Variants in ATG7 observed in about 807,000 individuals in gnomAD.
ATG7 encodes autophagy related 7, also known as ubiquitin-like modifier-activating enzyme ATG7.
A neutral mutation model predicts 82.4 loss-of-function variants in ATG7; 70 were observed. The observed-to-expected ratio is 0.85, with a 90% CI of 0.70 to 1.04. The LOEUF is 1.04. Among genes scored for constraint, ATG7 ranks in the 50% least tolerant of loss-of-function variants. The pLI is 0.00. For missense variants in ATG7, 792 were observed against 864.3 expected (o/e 0.92, Z 1.05); for synonymous variants, 287 against 313.0 (o/e 0.92, Z 0.88).
rs1394283753 is a variant in ATG7, at chr3:11,556,184, A to G, written c.*1341A>G. 6.6e-6 allele frequency: 1 copy of G among 152,572 alleles called. No individual in the cohort carries two copies. Among genetic ancestry groups the G allele is most frequent in the East Asian group, 1.9e-4 (1 of 5,326 alleles). The allele number at this position is 152,572 out of a possible 1,614,324, so 9.5% of individuals were successfully genotyped here. A position where few individuals can be genotyped will look rare whatever the true frequency, so the allele number is the denominator to read the frequency against. ...AAAAACAGGCCACAGAGAATGGTAT[A>G]TTACAGATTTACACACATGAAGAGA... On this transcript the variant is annotated 3_prime_UTR_variant, in exon 21 of 21. Transcript: ENST00000693202.
intron 13 of ATG7, among the ~76,000 whole-genome samples, chr3:11,345,878 A>G (rs1475693310): frequency 2.0e-5 from 3 of 152,246 alleles, no homozygotes; most frequent in African/African-American, 7.2e-5. Flanking sequence ...AAGTCAACAT[A>G]AAGCCATTAT....
chr3:11,511,190 A>G (rs1437855542), intron 20 of ATG7, among the ~76,000 whole-genome samples: 2 of 152,146 alleles, frequency 1.3e-5, no homozygotes, highest in Non-Finnish European at 2.9e-5. Context: ...CGGGTTGCCA[A>G]TGCTGGCTCA....
chr3:11,536,072 G>A (rs890902802), intron 20 of ATG7, among the ~76,000 whole-genome samples: 1 of 152,198 alleles, frequency 6.6e-6, no homozygotes, highest in East Asian at 1.9e-4. Context: ...TAACTGGCTA[G>A]TTGGGGCAAG....
chr3:11,478,722 C>CA (rs1373022849), intron 20 of ATG7, among the ~76,000 whole-genome samples: 1 of 152,082 alleles, frequency 6.6e-6, no homozygotes, highest in Non-Finnish European at 1.5e-5. Flanking sequence ...AAAACACCCC[C>CA]ACCCCCAAAC....
At chr3:11,570,078 C>T in the ATG7 span, among the ~76,000 whole-genome samples, 2 of 152,094 alleles carry the variant, frequency 1.3e-5, no homozygotes, top group Non-Finnish European at 2.9e-5. Context: ...TACCTGCTGC[C>T]CCCTGGGGTT....
chr3:11,559,891 A>C (rs1440126666), downstream of ATG7, among the ~76,000 whole-genome samples: 2 of 148,096 alleles, frequency 1.4e-5, no homozygotes, highest in African/African-American at 5.3e-5. Flanking sequence ...ATACACGGCA[A>C]TTAACTGGAA....
intron 14 of ATG7, among the ~76,000 whole-genome samples, chr3:11,355,340 T>G (rs1354239318): frequency 6.6e-6 from 1 of 152,190 alleles, no homozygotes; most frequent in African/African-American, 2.4e-5. Flanking sequence ...TAAAGATTTC[T>G]TAGGACCTAG....
the ATG7 span, among the ~76,000 whole-genome samples, chr3:11,563,172 C>T: frequency 4.7e-5 from 7 of 150,404 alleles, no homozygotes; most frequent in Admixed American, 2.0e-4. Flanking sequence ...GTAAGGCTCA[C>T]AGTTATGTCC....
intron 20 of ATG7, among the ~76,000 whole-genome samples, chr3:11,493,821 T>C (rs2090597910): frequency 6.6e-6 from 1 of 152,146 alleles, no homozygotes; most frequent in African/African-American, 2.4e-5. Flanking sequence ...CACAAAGAGA[T>C]TCGGTACCAA....
chr3:11,402,866 A>G (rs1383099660), intron 19 of ATG7, among the ~76,000 whole-genome samples: 3 of 152,262 alleles, frequency 2.0e-5, no homozygotes, highest in African/African-American at 4.8e-5. Context: ...TTACCTGGTT[A>G]CATAGACTTA....
intron 3 of ATG7, among the ~76,000 whole-genome samples, chr3:11,294,723 A>G (rs1439037497): frequency 6.6e-6 from 1 of 152,088 alleles, no homozygotes; most frequent in Non-Finnish European, 1.5e-5. Flanking sequence ...CACTAGGCAA[A>G]CTCCAGACTC....
intron 3 of ATG7, among the ~76,000 whole-genome samples, chr3:11,286,903 C>A (rs552666207): frequency 1.3e-5 from 1 of 76,304 alleles, no homozygotes; most frequent in East Asian, 5.3e-4. Flanking sequence ...CCGCACCCAA[C>A]CTTTTTTTAT....
intron 19 of ATG7, among the ~76,000 whole-genome samples, chr3:11,403,538 CTT>C (rs1371837437): frequency 6.6e-6 from 1 of 152,008 alleles, no homozygotes; most frequent in East Asian, 1.9e-4. Flanking sequence ...CAAATGTAAA[CTT>C]TTATGTAGTT....
intron 19 of ATG7, among the ~76,000 whole-genome samples, chr3:11,383,477 T>C (rs923148527): frequency 4.6e-5 from 7 of 152,274 alleles, no homozygotes; most frequent in African/African-American, 1.7e-4. Flanking sequence ...TCCATATTTC[T>C]GACTACCTTC....
intron 20 of ATG7, among the ~76,000 whole-genome samples, chr3:11,547,170 A>C (rs1037946684): frequency 6.6e-6 from 1 of 152,236 alleles, no homozygotes; most frequent in African/African-American, 2.4e-5. Context: ...ATTATGTTTA[A>C]CAGGAAGTAG....
chr3:11,524,568 G>A (rs1316911434), intron 20 of ATG7, among the ~76,000 whole-genome samples: 1 of 152,102 alleles, frequency 6.6e-6, no homozygotes, highest in African/African-American at 2.4e-5. Flanking sequence ...AGACCAGCCT[G>A]GACATCATGG....
chr3:11,348,168 A>G, intron 14 of ATG7, 133 bp downstream of exon 14: 1 of 1,247,124 alleles, frequency 8.0e-7, no homozygotes, highest in Non-Finnish European at 1.1e-6. Context: ...TATGTGGCTG[A>G]ACCTCTGTTT....
chr3:11,501,113 G>A (rs745641228), intron 20 of ATG7, among the ~76,000 whole-genome samples: 29 of 152,204 alleles, frequency 1.9e-4, no homozygotes, highest in Non-Finnish European at 2.9e-4. Context: ...AATTGGCCAG[G>A]TATGGTGATA....
chr3:11,431,953 C>T (rs2082932324), intron 20 of ATG7, among the ~76,000 whole-genome samples: 1 of 152,172 alleles, frequency 6.6e-6, no homozygotes, highest in South Asian at 2.1e-4. Flanking sequence ...CAATTTTTTG[C>T]ACTCATCCCC....
Sources: allele counts gnomAD v4.1 joint callset (sites outside exome capture counted in the v4.1 genomes callset), GRCh38; gene constraint gnomAD v4.1.1; transcripts MANE v1.5; gene names NCBI Gene and HGNC (gene_info 2026-07-23, HGNC 2026-07-21).